CAST: variants seen among roughly 807,000 people sequenced by gnomAD.
The protein encoded by CAST is calpastatin.
In CAST, 76 loss-of-function variants were observed where a neutral mutation model predicts 119.6. That is an observed-to-expected ratio of 0.64 (90% CI 0.53 to 0.77). CAST has a LOEUF of 0.77. Ranked by LOEUF, CAST falls within the 30% of genes least tolerant of loss-of-function variation. The probability of loss-of-function intolerance (pLI) is 0.00; values close to 1 mark genes in which losing one functional copy is unlikely to be tolerated. For missense variants in CAST, 953 were observed against 946.5 expected, an observed-to-expected ratio of 1.01 and a Z score of -0.09; for synonymous variants, 319 against 331.6, an observed-to-expected ratio of 0.96 and a Z score of 0.41.
At chr5:96,218,919 G>T in the CAST span, among the ~76,000 whole-genome samples, 6,254 of 152,160 alleles carry the variant, frequency 0.041, 457 homozygotes, top group African/African-American at 0.14. Context: ...GTTATGTACT[G>T]TGTGGGGTGT....
At chr5:96,196,396 G>T in the CAST span, among the ~76,000 whole-genome samples, 2 of 152,106 alleles carry the variant, frequency 1.3e-5, no homozygotes, top group Non-Finnish European at 2.9e-5. Flanking sequence ...CTTACTTTAT[G>T]CCAGGCACAA....
At chr5:96,165,835 A>G in the CAST span, among the ~76,000 whole-genome samples, 3 of 152,248 alleles carry the variant, frequency 2.0e-5, no homozygotes, top group African/African-American at 7.2e-5. Flanking sequence ...TCTTTGCCGA[A>G]CTAGAAAATA....
chr5:96,686,347 A>G (rs991306385), intron 2 of CAST, among the ~76,000 whole-genome samples: 6 of 151,878 alleles, frequency 4.0e-5, no homozygotes, highest in Non-Finnish European at 7.4e-5. Context: ...GAGTGTAGAG[A>G]GAGAAGAGAG....
intron 1 of CAST, among the ~76,000 whole-genome samples, chr5:96,538,465 T>C (rs1292852200): frequency 2.0e-5 from 3 of 152,164 alleles, no homozygotes; most frequent in Non-Finnish European, 4.4e-5. Flanking sequence ...CTGAAAAGCA[T>C]GCAGATTAAA....
chr5:96,566,135 A>T (rs1406758996), intron 1 of CAST, among the ~76,000 whole-genome samples: 1 of 152,132 alleles, frequency 6.6e-6, no homozygotes, highest in East Asian at 1.9e-4. Flanking sequence ...AGCTCTAATG[A>T]TGTCTTCAGT....
At chr5:95,997,963 GTTTTTTTTTTT>G in the CAST span, among the ~76,000 whole-genome samples, 1 of 93,656 alleles carries the variant, frequency 1.1e-5, no homozygotes, top group Admixed American at 1.3e-4. Context: ...TTGAGAGAGG[GTTTTTTTTTTT>G]TTTTTTTTTT....
chr5:96,309,730 C>G, the CAST span, among the ~76,000 whole-genome samples: 1 of 152,194 alleles, frequency 6.6e-6, no homozygotes, highest in South Asian at 2.1e-4. Context: ...CCTTGTGCTT[C>G]TAGGGTAAGG....
At chr5:96,353,079 A>G in the CAST span, among the ~76,000 whole-genome samples, 11 of 152,104 alleles carry the variant, frequency 7.2e-5, no homozygotes, top group East Asian at 1.9e-4. Flanking sequence ...GGATTTGTGG[A>G]CAATACCAGA....
chr5:96,246,368 G>A, the CAST span, among the ~76,000 whole-genome samples: 1 of 151,888 alleles, frequency 6.6e-6, no homozygotes, highest in African/African-American at 2.4e-5. Flanking sequence ...TGTATTTTCA[G>A]TAGAGACGGG....
At chr5:96,293,342 G>C in the CAST span, among the ~76,000 whole-genome samples, 1 of 152,172 alleles carries the variant, frequency 6.6e-6, no homozygotes, top group Non-Finnish European at 1.5e-5. Context: ...GCAGTGGCAC[G>C]ATCTCAGCTC....
rs139996940 is a variant in CAST at position 96,559,379 on chromosome 5, A to C, written c.60+29499A>C. Among the ~76,000 whole-genome samples the C allele has an allele frequency of 5.2e-3, 790 of 152,290 alleles. 12 individuals carry two copies. Among genetic ancestry groups the C allele is most frequent in the African/African-American group, 0.018 (753 of 41,552 alleles). The stretch of plus-strand genomic sequence containing the variant: ...CCAGGGCAATCAGGCAGGAGAAGGA[A>C]ATAAGGGGTATTCAGTTAGGAAAGG... On this transcript the variant is annotated intron_variant, in intron 1 of 11. Transcript: ENST00000505143.
intron 3 of CAST, among the ~76,000 whole-genome samples, chr5:96,708,824 G>T (rs1045115663): frequency 2.0e-5 from 3 of 152,202 alleles, no homozygotes; most frequent in East Asian, 1.9e-4. Context: ...GGGATTACAG[G>T]TGTGAGCTGC....
At chr5:96,262,236 C>G in the CAST span, among the ~76,000 whole-genome samples, 1 of 151,994 alleles carries the variant, frequency 6.6e-6, no homozygotes, top group Non-Finnish European at 1.5e-5. Context: ...GTGTGGTGGC[C>G]CAGGTCTGAG....
At chr5:96,492,206 CT>C in the CAST span, among the ~76,000 whole-genome samples, 1 of 152,240 alleles carries the variant, frequency 6.6e-6, no homozygotes, top group Non-Finnish European at 1.5e-5. Flanking sequence ...AAGGCTGCCA[CT>C]TACCCTCGTT....
the CAST span, among the ~76,000 whole-genome samples, chr5:96,207,535 C>T: frequency 2.8e-4 from 42 of 152,088 alleles, no homozygotes; most frequent in African/African-American, 9.9e-4. Flanking sequence ...TATTGACTGC[C>T]TTTTCTGCAT....
At chr5:96,235,756 A>T in the CAST span, among the ~76,000 whole-genome samples, 1 of 152,060 alleles carries the variant, frequency 6.6e-6, no homozygotes, top group African/African-American at 2.4e-5. Context: ...AATTCTAAAA[A>T]TCTCCTTAGA....
chr5:96,662,174 C>G (rs1748590773), upstream of CAST: 1 of 420,346 alleles, frequency 2.4e-6, no homozygotes, highest in Non-Finnish European at 4.2e-6. Context: ...GGGTGAGGAC[C>G]GGGGCGGAGG....
chr5:96,428,161 A>G, the CAST span, among the ~76,000 whole-genome samples: 1 of 152,156 alleles, frequency 6.6e-6, no homozygotes, highest in Non-Finnish European at 1.5e-5. Context: ...AAATTCTATC[A>G]GTTTCAGAAT....
At chr5:96,662,267 A>C, upstream of CAST, 1 of 914,008 alleles carries the variant, frequency 1.1e-6, no homozygotes. Context: ...ACCCCGGCGC[A>C]GACCTGGGGT....
Sources: gnomAD v4.1 joint callset for allele counts (sites outside exome capture counted in the v4.1 genomes callset) on GRCh38, gnomAD v4.1.1 for gene constraint, MANE v1.5 for transcripts, NCBI Gene and HGNC (gene_info 2026-07-23, HGNC 2026-07-21) for gene names.